Variants in CABCOCO1 observed in about 807,000 individuals in gnomAD.
CABCOCO1 encodes the protein ciliary-associated calcium-binding coiled-coil protein 1.
CABCOCO1 carries 28 observed loss-of-function variants against 35.7 expected under a neutral mutation model. The ratio of observed to expected loss-of-function variants is 0.78; its 90% CI spans 0.58 to 1.07. The LOEUF (loss-of-function observed/expected upper bound fraction) is 1.07. Among genes scored for constraint, CABCOCO1 ranks in the 50% least tolerant of loss-of-function variants. CABCOCO1 has a pLI of 0.00. For synonymous variants in CABCOCO1, 95 were observed against 100.1 expected (o/e 0.95, Z 0.30); for missense variants, 326 against 309.2 (o/e 1.05, Z -0.41).
At chr10:61,666,522 A>G (rs1839177510) in intron 1 of CABCOCO1, among the ~76,000 whole-genome samples, 1 of 152,188 alleles carries the variant, frequency 6.6e-6, no homozygotes, top group Non-Finnish European at 1.5e-5. Context: ...GATATTGACA[A>G]ACACTTAGGC....
intron 7 of CABCOCO1, among the ~76,000 whole-genome samples, chr10:61,764,893 C>G (rs1412544362): frequency 6.6e-6 from 1 of 152,126 alleles, no homozygotes; most frequent in East Asian, 1.9e-4. Flanking sequence ...TCAGATAAGG[C>G]AGCATGGACA....
intron 5 of CABCOCO1, among the ~76,000 whole-genome samples, chr10:61,727,215 T>C (rs969440684): frequency 1.3e-5 from 2 of 152,140 alleles, no homozygotes; most frequent in Non-Finnish European, 2.9e-5. Flanking sequence ...TAAATATTTA[T>C]TGAATTGAAC....
At chr10:61,670,763 C>T (rs1839331842) in intron 1 of CABCOCO1, among the ~76,000 whole-genome samples, 1 of 152,142 alleles carries the variant, frequency 6.6e-6, no homozygotes, top group Admixed American at 6.6e-5. Context: ...GCTGTCTTGC[C>T]TCTATTTCCC....
intron 5 of CABCOCO1, among the ~76,000 whole-genome samples, chr10:61,717,797 C>T (rs1434266479): frequency 6.6e-6 from 1 of 152,000 alleles, no homozygotes; most frequent in Non-Finnish European, 1.5e-5. Flanking sequence ...TTGAGGTGGG[C>T]CTTCAGAGAA....
intron 5 of CABCOCO1, among the ~76,000 whole-genome samples, chr10:61,758,388 G>A (rs1841941874): frequency 6.6e-6 from 1 of 152,070 alleles, no homozygotes; most frequent in Non-Finnish European, 1.5e-5. Context: ...CTGAAAAAAG[G>A]TACAAATCAT....
intron 5 of CABCOCO1, among the ~76,000 whole-genome samples, chr10:61,755,105 T>A (rs1311912063): frequency 6.6e-6 from 1 of 152,142 alleles, no homozygotes; most frequent in Non-Finnish European, 1.5e-5. Flanking sequence ...AATGGCCCTA[T>A]CACAAAAGAA....
chr10:61,731,301 C>T (rs1464972026), intron 5 of CABCOCO1, among the ~76,000 whole-genome samples: 1 of 151,954 alleles, frequency 6.6e-6, no homozygotes. Context: ...TTCCCGAGGT[C>T]ATGAGAATTC....
chr10:61,666,952 G>GTATAAATATAGTTATATATTATA (rs1839194673), intron 1 of CABCOCO1, among the ~76,000 whole-genome samples: 1 of 131,782 alleles, frequency 7.6e-6, no homozygotes, highest in South Asian at 2.3e-4. Context: ...TATATATTAT[G>GTATAAATATAGTTATATATTATA]TATAAATATA....
intron 5 of CABCOCO1, among the ~76,000 whole-genome samples, chr10:61,710,606 A>C (rs941314050): frequency 6.6e-6 from 1 of 151,922 alleles, no homozygotes; most frequent in African/African-American, 2.4e-5. Flanking sequence ...TCTTGTAAAA[A>C]ACCATGCTCT....
intron 5 of CABCOCO1, among the ~76,000 whole-genome samples, chr10:61,756,721 C>A (rs1289943521): frequency 1.3e-5 from 2 of 152,016 alleles, no homozygotes; most frequent in Non-Finnish European, 2.9e-5. Context: ...GGCAACTCAC[C>A]TAAAGGCCTT....
chr10:61,696,463 G>T (rs1208987771), intron 5 of CABCOCO1, among the ~76,000 whole-genome samples: 1 of 152,024 alleles, frequency 6.6e-6, no homozygotes, highest in African/African-American at 2.4e-5. Context: ...GTCACTGGGA[G>T]AAAACATTTG....
At chr10:61,734,254 C>T (rs184394675) in intron 5 of CABCOCO1, among the ~76,000 whole-genome samples, 54 of 152,102 alleles carry the variant, frequency 3.6e-4, no homozygotes, top group Non-Finnish European at 4.9e-4. Flanking sequence ...CTTCTTTACA[C>T]AGTTGTCATT....
At chr10:61,691,995 T>C (rs1016356721) in intron 5 of CABCOCO1, among the ~76,000 whole-genome samples, 2 of 152,268 alleles carry the variant, frequency 1.3e-5, no homozygotes, top group South Asian at 4.1e-4. Context: ...TTATAATCCT[T>C]TGGGTATATA....
chr10:61,672,750 A>G lies in CABCOCO1; in HGVS notation c.164+15A>G, dbSNP rs1839398107. 1.0e-6 allele frequency: 1 copy of G among 984,542 alleles called. No individual in the cohort carries two copies. Among genetic ancestry groups the G allele is most frequent in the Non-Finnish European group, 1.2e-6 (1 of 829,122 alleles). 61.0% of individuals were successfully genotyped at this position (984,542 alleles called of 1,614,324 possible). A position where few individuals can be genotyped will look rare whatever the true frequency, so the allele number is the denominator to read the frequency against. ...GGAGTTCAAGAGTAAGCACTTCACT[A>G]TTACAATCACATGTAGAAGAACAGT... On this transcript the variant is annotated intron_variant, in intron 2 of 7. Coordinates refer to ENST00000648843, the MANE Select transcript of CABCOCO1 (RefSeq NM_001366906.2).
rs529199047 is a variant in CABCOCO1 at position 61,737,467 on chromosome 10, G to A, written c.553-22592G>A. ...TCCCATTACTGGGTATATACCCAGA[G>A]GAATATAAAGCATTCTACCATAAAG... On this transcript the variant is annotated intron_variant, in intron 5 of 7. Coordinates refer to ENST00000648843, the MANE Select transcript of CABCOCO1 (RefSeq NM_001366906.2). Among the ~76,000 whole-genome samples the A allele has an allele frequency of 2.0e-5, 3 of 152,230 alleles. No individual in the cohort carries two copies. In the East Asian group the frequency reaches 5.8e-4, roughly 29 times the overall value.
Position 61,675,834 on chromosome 10 carries a change from C to T in CABCOCO1, c.164+3099C>T, listed in dbSNP as rs569487286. ...GTGTAGAACTTACATTGCTGAAAAT[C>T]AAGTCAGTAATGTGGAAGACAAATT... On this transcript the variant is annotated intron_variant, in intron 2 of 7. Transcript: ENST00000648843. Among the ~76,000 whole-genome samples the T allele has an allele frequency of 2.2e-4, 34 of 151,946 alleles. No individual in the cohort carries two copies. In the South Asian group the frequency reaches 6.6e-3, roughly 30 times the overall value.
At chr10:61,664,098 T>C (rs1367961678) in intron 1 of CABCOCO1, among the ~76,000 whole-genome samples, 1 of 152,140 alleles carries the variant, frequency 6.6e-6, no homozygotes, top group Non-Finnish European at 1.5e-5. Flanking sequence ...TTCCTACCAA[T>C]ACAAAATGCA....
intron 5 of CABCOCO1, among the ~76,000 whole-genome samples, chr10:61,743,483 T>C (rs765579702): frequency 6.6e-5 from 10 of 152,192 alleles, no homozygotes; most frequent in Admixed American, 5.2e-4. Context: ...TTATATATGT[T>C]TCTAAGAAAA....
intron 1 of CABCOCO1, among the ~76,000 whole-genome samples, chr10:61,665,255 C>G (rs1039141541): frequency 6.6e-6 from 1 of 152,166 alleles, no homozygotes; most frequent in Non-Finnish European, 1.5e-5. Flanking sequence ...ATGAATTACT[C>G]TATGAGTTAC....
Sources: allele counts gnomAD v4.1 joint callset (sites outside exome capture counted in the v4.1 genomes callset), GRCh38; gene constraint gnomAD v4.1.1; transcripts MANE v1.5; gene names NCBI Gene and HGNC (gene_info 2026-07-23, HGNC 2026-07-21).